The following DCDC1 variants were observed in gnomAD, a reference collection of about 807,000 sequenced individuals.
DCDC1 encodes doublecortin domain-containing protein 1.
In DCDC1, 200 loss-of-function variants were observed where a neutral mutation model predicts 178.3. The ratio of observed to expected loss-of-function variants is 1.12; its 90% CI spans 1.00 to 1.26. The LOEUF (loss-of-function observed/expected upper bound fraction) is 1.26. Among genes scored for constraint, DCDC1 ranks in the 50% most tolerant of loss-of-function variants. The pLI, the probability that DCDC1 is intolerant of heterozygous loss-of-function variation, is 0.00. For synonymous variants in DCDC1, 690 were observed against 604.8 expected (o/e 1.14, Z -2.07); for missense variants, 1,983 against 1,749.2 (o/e 1.13, Z -2.38).
chr11:31,248,857 C>G (rs913328445), intron 8 of DCDC1, among the ~76,000 whole-genome samples: 1 of 152,100 alleles, frequency 6.6e-6, no homozygotes, highest in Admixed American at 6.6e-5. Flanking sequence ...GAAAGATAAT[C>G]TCTGCTGAGT....
intron 20 of DCDC1, among the ~76,000 whole-genome samples, chr11:31,015,771 G>C (rs1952453473): frequency 6.6e-6 from 1 of 152,176 alleles, no homozygotes; most frequent in Admixed American, 6.5e-5. Context: ...ATGCTGCAAA[G>C]TTAGGGCCTA....
intron 9 of DCDC1, among the ~76,000 whole-genome samples, chr11:31,194,245 G>A (rs1021059858): frequency 2.6e-5 from 4 of 152,058 alleles, no homozygotes; most frequent in African/African-American, 9.7e-5. Flanking sequence ...CCACTTGGGT[G>A]CATTACAAAC....
intron 9 of DCDC1, among the ~76,000 whole-genome samples, chr11:31,181,974 G>C (rs923569616): frequency 6.6e-6 from 1 of 152,102 alleles, no homozygotes; most frequent in African/African-American, 2.4e-5. Context: ...AATCAATCAA[G>C]TTGAAGAAAG....
At chr11:30,926,807 A>C (rs1329851095) in intron 22 of DCDC1, among the ~76,000 whole-genome samples, 2 of 152,194 alleles carry the variant, frequency 1.3e-5, no homozygotes, top group Non-Finnish European at 2.9e-5. Flanking sequence ...TTAGAAGTAA[A>C]TAAAACAGGC....
At chr11:30,882,188 T>C (rs1942745995) in intron 36 of DCDC1, 1 of 152,182 alleles carries the variant, frequency 6.6e-6, no homozygotes, top group African/African-American at 2.4e-5. Context: ...CAAGGCAGAA[T>C]GGCAGGGGTC....
intron 16 of DCDC1, among the ~76,000 whole-genome samples, chr11:31,092,759 C>T (rs908072261): frequency 6.6e-6 from 1 of 152,284 alleles, no homozygotes; most frequent in Non-Finnish European, 1.5e-5. Flanking sequence ...ACTGGTCCAA[C>T]TCTTTTTGAT....
At chr11:31,056,253 T>G (rs762920805) in intron 20 of DCDC1, among the ~76,000 whole-genome samples, 8 of 151,826 alleles carry the variant, frequency 5.3e-5, no homozygotes, top group Non-Finnish European at 1.0e-4. Context: ...CATAAAATAA[T>G]AAATTTTAGA....
At chr11:31,163,045 T>C (rs1966452860) in intron 9 of DCDC1, among the ~76,000 whole-genome samples, 1 of 152,154 alleles carries the variant, frequency 6.6e-6, no homozygotes, top group Non-Finnish European at 1.5e-5. Flanking sequence ...CACCATCTAA[T>C]GTTCCGATGT....
At chr11:31,297,607 A>C (rs1406527194) in intron 6 of DCDC1, among the ~76,000 whole-genome samples, 1 of 152,100 alleles carries the variant, frequency 6.6e-6, no homozygotes, top group Non-Finnish European at 1.5e-5. Context: ...GGCCTCCCAA[A>C]GTGCTGGGAT....
chr11:30,979,022 G>A (rs1950252932), intron 20 of DCDC1, among the ~76,000 whole-genome samples: 4 of 152,140 alleles, frequency 2.6e-5, no homozygotes, highest in South Asian at 2.1e-4. Flanking sequence ...CAAATACAGA[G>A]ATAGGAATTC....
chr11:31,255,477 GTGTGTGTGTGAGTA>G (rs1306054622), intron 8 of DCDC1, among the ~76,000 whole-genome samples: 1 of 151,868 alleles, frequency 6.6e-6, no homozygotes, highest in African/African-American at 2.4e-5. Context: ...TATTCTCTGT[GTGTGTGTGTGAGTA>G]TGTGTGTGTG....
chr11:31,026,854 TTTC>T (rs1204159589), intron 20 of DCDC1, among the ~76,000 whole-genome samples: 1 of 151,748 alleles, frequency 6.6e-6, no homozygotes, highest in African/African-American at 2.4e-5. Context: ...TTTTAGAAAG[TTTC>T]TTAATTCATT....
chr11:31,346,544 A>G (rs940293510), intron 1 of DCDC1, among the ~76,000 whole-genome samples: 9 of 152,122 alleles, frequency 5.9e-5, no homozygotes, highest in African/African-American at 2.2e-4. Flanking sequence ...TGATTTGAAC[A>G]AACTTTCTTC....
At chr11:31,068,567 T>C (rs932314112) in intron 18 of DCDC1, among the ~76,000 whole-genome samples, 1 of 152,106 alleles carries the variant, frequency 6.6e-6, no homozygotes, top group African/African-American at 2.4e-5. Flanking sequence ...TAGTTTTGTG[T>C]GGGTGTGGGT....
In DCDC1 at chr11:30,895,223, A is replaced by T. The variant is rs558381373; in HGVS notation, c.4766-839T>A. On this transcript the variant is annotated intron_variant, in intron 34 of 38. Coordinates refer to ENST00000684477, the MANE Select transcript of DCDC1 (RefSeq NM_001387274.1). ...AGCTATGGGTGAGGTGTTGTGTTGG[A>T]TAATGCAAGCACAAACATGTTGGAG... is the stretch of plus-strand genomic sequence containing the variant. 7.2e-5 allele frequency among the ~76,000 whole-genome samples: 11 copies of T among 152,312 alleles called. No individual in the cohort carries two copies. In the East Asian group the frequency reaches 1.7e-3, roughly 24 times the overall value.
chr11:31,285,664 A>C (rs1946767995), intron 7 of DCDC1, among the ~76,000 whole-genome samples: 1 of 152,108 alleles, frequency 6.6e-6, no homozygotes, highest in Non-Finnish European at 1.5e-5. Context: ...AACATCATAG[A>C]AATATATATT....
chr11:31,246,568 A>G (rs1443025261), intron 8 of DCDC1, among the ~76,000 whole-genome samples: 1 of 151,958 alleles, frequency 6.6e-6, no homozygotes, highest in Non-Finnish European at 1.5e-5. Context: ...CAGTCCAGGA[A>G]GTATGACTGC....
intron 7 of DCDC1, among the ~76,000 whole-genome samples, chr11:31,275,806 A>C (rs1346592816): frequency 1.3e-5 from 2 of 152,188 alleles, no homozygotes; most frequent in Admixed American, 1.3e-4. Flanking sequence ...TGATGTGTCT[A>C]AATTACCTAT....
intron 9 of DCDC1, among the ~76,000 whole-genome samples, chr11:31,231,272 C>T (rs1975748022): frequency 6.6e-6 from 1 of 152,096 alleles, no homozygotes; most frequent in Admixed American, 6.6e-5. Flanking sequence ...TTCTCCTCAA[C>T]TTTGTATTTC....
Sources: gnomAD v4.1 joint callset for allele counts (sites outside exome capture counted in the v4.1 genomes callset) on GRCh38, gnomAD v4.1.1 for gene constraint, MANE v1.5 for transcripts, NCBI Gene and HGNC (gene_info 2026-07-23, HGNC 2026-07-21) for gene names.